PTPRG: variants seen among roughly 807,000 people sequenced by gnomAD.
The protein encoded by PTPRG is protein tyrosine phosphatase receptor type G.
PTPRG carries 102 observed loss-of-function variants against 165.3 expected under a neutral mutation model. That is an observed-to-expected ratio of 0.62 (90% CI 0.53 to 0.73). PTPRG has a LOEUF of 0.73. Among genes scored for constraint, PTPRG ranks in the 30% least tolerant of loss-of-function variants. The pLI is 0.00. For missense variants in PTPRG, 1,866 were observed against 1,861.4 expected (o/e 1.00, Z -0.05); for synonymous variants, 675 against 669.5 (o/e 1.01, Z -0.13).
chr3:62,268,766 TA>T (rs1203955804), intron 19 of PTPRG, among the ~76,000 whole-genome samples: 1 of 152,176 alleles, frequency 6.6e-6, no homozygotes, highest in East Asian at 1.9e-4. Flanking sequence ...AAAAATGCAT[TA>T]TAATGCAAAA....
chr3:62,243,389 C>T (rs573068219), intron 14 of PTPRG, among the ~76,000 whole-genome samples: 4 of 152,074 alleles, frequency 2.6e-5, no homozygotes, highest in African/African-American at 9.6e-5. Flanking sequence ...TGTTTGATGA[C>T]GATGTTGGAA....
intron 4 of PTPRG, among the ~76,000 whole-genome samples, chr3:62,047,417 G>A (rs1271386618): frequency 6.6e-6 from 1 of 151,950 alleles, no homozygotes; most frequent in African/African-American, 2.4e-5. Flanking sequence ...GAACCACCAC[G>A]CCTGGCTAAT....
chr3:61,918,565 T>C (rs1305105463), intron 2 of PTPRG, among the ~76,000 whole-genome samples: 3 of 152,198 alleles, frequency 2.0e-5, no homozygotes, highest in Admixed American at 1.3e-4. Context: ...GGAAATAGTA[T>C]GGAAAAGCTC....
chr3:62,246,634 C>T (rs564230570), intron 15 of PTPRG, among the ~76,000 whole-genome samples: 2 of 152,252 alleles, frequency 1.3e-5, no homozygotes, highest in South Asian at 4.1e-4. Context: ...TTTCACTCTA[C>T]TAAAGCTTTT....
chr3:62,124,809 C>T (rs986033090), intron 5 of PTPRG, among the ~76,000 whole-genome samples: 5 of 152,306 alleles, frequency 3.3e-5, no homozygotes, highest in Non-Finnish European at 5.9e-5. Context: ...CCTCCTGCCT[C>T]AGCCTCCCAA....
chr3:62,209,626 G>A (rs1261828407), intron 12 of PTPRG, among the ~76,000 whole-genome samples: 2 of 152,116 alleles, frequency 1.3e-5, no homozygotes, highest in Middle Eastern at 3.2e-3. Context: ...CTAGAGAAAT[G>A]TTTTCTTTAT....
chr3:61,738,279 CA>C (rs2032812733), intron 1 of PTPRG, among the ~76,000 whole-genome samples: 1 of 15,484 alleles, frequency 6.5e-5, no homozygotes, highest in African/African-American at 1.4e-4. Context: ...TATATATATA[CA>C]TATATATATA....
intron 1 of PTPRG, among the ~76,000 whole-genome samples, chr3:61,678,086 C>T (rs759677221): frequency 1.6e-4 from 24 of 152,096 alleles, no homozygotes; most frequent in Non-Finnish European, 2.6e-4. Context: ...CAAACAGTGC[C>T]GTGAATGAGG....
chr3:61,723,998 G>A (rs1326465680), intron 1 of PTPRG, among the ~76,000 whole-genome samples: 5 of 152,164 alleles, frequency 3.3e-5, no homozygotes, highest in African/African-American at 1.2e-4. Flanking sequence ...TTGGGAGGCT[G>A]AGGCGGGTGG....
intron 2 of PTPRG, among the ~76,000 whole-genome samples, chr3:61,860,030 TTAGTAAACTC>T (rs1166768918): frequency 2.0e-5 from 3 of 152,224 alleles, no homozygotes; most frequent in Non-Finnish European, 4.4e-5. Flanking sequence ...CCTTTATAAT[TTAGTAAACTC>T]TAGGAAACAC....
chr3:61,676,198 C>G (rs1367846019), intron 1 of PTPRG, among the ~76,000 whole-genome samples: 1 of 151,928 alleles, frequency 6.6e-6, no homozygotes, highest in African/African-American at 2.4e-5. Context: ...TGGCTCACGC[C>G]TGTAATCCCA....
At chr3:61,836,259 C>T (rs2036458776) in intron 2 of PTPRG, among the ~76,000 whole-genome samples, 1 of 152,006 alleles carries the variant, frequency 6.6e-6, no homozygotes, top group African/African-American at 2.4e-5. Flanking sequence ...AGAACATAGC[C>T]CTTTTCTGTT....
At chr3:61,910,538 G>A (rs544770274) in intron 2 of PTPRG, among the ~76,000 whole-genome samples, 10 of 152,252 alleles carry the variant, frequency 6.6e-5, no homozygotes, top group Admixed American at 5.9e-4. Flanking sequence ...GATATTGCCT[G>A]TTCCAATTTG....
chr3:61,813,515 CAAAAAAA>C (rs552214510), intron 2 of PTPRG, among the ~76,000 whole-genome samples: 14 of 57,908 alleles, frequency 2.4e-4, no homozygotes, highest in South Asian at 1.1e-3. Context: ...GACTCCGTCT[CAAAAAAA>C]AAAAAAAGAA....
chr3:62,243,713 A>C lies in PTPRG; in HGVS notation c.2376-94A>C, dbSNP rs755387464. The C allele has an allele frequency of 1.0e-5, 8 of 779,948 alleles. No homozygotes were observed. The Admixed American group carries it at 2.1e-4, about 21-fold the overall frequency. 48.3% of individuals were successfully genotyped at this position (779,948 alleles called of 1,614,324 possible). ...TTACCCTCAGTGCTGTGTGATGTTT[A>C]AAGCTGGGAAGATCTATAAAATAAG... On this transcript the variant is annotated intron_variant, in intron 14 of 29. Transcript: ENST00000474889.
At chr3:62,009,959 C>T (rs1387283238) in intron 4 of PTPRG, among the ~76,000 whole-genome samples, 2 of 152,168 alleles carry the variant, frequency 1.3e-5, no homozygotes, top group Admixed American at 1.3e-4. Flanking sequence ...ACTGTGTCAC[C>T]CAGACTGGAG....
chr3:61,599,235 C>T (rs1164316838), intron 1 of PTPRG, among the ~76,000 whole-genome samples: 7 of 152,084 alleles, frequency 4.6e-5, no homozygotes, highest in Non-Finnish European at 5.9e-5. Context: ...CTGCAACCTC[C>T]GCCTCCCAGG....
At chr3:62,280,153 A>T (rs1272996854) in intron 26 of PTPRG, among the ~76,000 whole-genome samples, 2 of 152,074 alleles carry the variant, frequency 1.3e-5, no homozygotes, top group Admixed American at 1.3e-4. Context: ...TTGAAATATA[A>T]CATTGACAGA....
At chr3:61,949,989 G>A (rs774466540) in intron 2 of PTPRG, among the ~76,000 whole-genome samples, 1 of 152,064 alleles carries the variant, frequency 6.6e-6, no homozygotes. Flanking sequence ...CTCATGATCC[G>A]CCTGCCTCGC....
Sources: allele counts gnomAD v4.1 joint callset (sites outside exome capture counted in the v4.1 genomes callset), GRCh38; gene constraint gnomAD v4.1.1; transcripts MANE v1.5; gene names NCBI Gene and HGNC (gene_info 2026-07-23, HGNC 2026-07-21).